Variants in RAVER2 observed in about 807,000 individuals in gnomAD.
RAVER2 encodes ribonucleoprotein, PTB binding 2.
In RAVER2, 46 loss-of-function variants were observed where a neutral mutation model predicts 78.1. The observed-to-expected ratio is 0.59, with a 90% CI of 0.46 to 0.75. RAVER2 has a LOEUF of 0.75. RAVER2 is among the 30% of genes least tolerant of loss of function. The pLI is 0.00. For missense variants in RAVER2, 793 were observed against 837.5 expected, an observed-to-expected ratio of 0.95 and a Z score of 0.66; for synonymous variants, 311 against 313.3, an observed-to-expected ratio of 0.99 and a Z score of 0.08.
chr1:64,825,333 C>A (rs562390415), intron 11 of RAVER2, among the ~76,000 whole-genome samples: 1 of 152,256 alleles, frequency 6.6e-6, no homozygotes, highest in African/African-American at 2.4e-5. Flanking sequence ...AGAACTAGTG[C>A]AGTCCCATTT....
chr1:64,819,150 C>A (rs1570582669), intron 11 of RAVER2, among the ~76,000 whole-genome samples: 1 of 150,074 alleles, frequency 6.7e-6, no homozygotes, highest in East Asian at 2.1e-4. Flanking sequence ...ATGTGACCCA[C>A]AATTAAGAGA....
At chr1:64,751,783 A>T (rs1229137209) in intron 1 of RAVER2, among the ~76,000 whole-genome samples, 1 of 151,890 alleles carries the variant, frequency 6.6e-6, no homozygotes, top group Non-Finnish European at 1.5e-5. Flanking sequence ...TTTTAATTTA[A>T]TTTTTTTAAA....
chr1:64,750,248 T>C (rs1651660674), intron 1 of RAVER2, among the ~76,000 whole-genome samples: 1 of 152,032 alleles, frequency 6.6e-6, no homozygotes, highest in Non-Finnish European at 1.5e-5. Flanking sequence ...TAAGAAACTC[T>C]AGTTAATCTT....
chr1:64,781,471 A>T (rs1409531741), exon 4 of RAVER2: 1 of 1,613,990 alleles, frequency 6.2e-7, no homozygotes, highest in East Asian at 2.2e-5. Context: ...CAGGCAGCAG[A>T]CGGTATGACC....
intron 11 of RAVER2, among the ~76,000 whole-genome samples, chr1:64,823,802 ATTT>A (rs759134955): frequency 3.0e-4 from 37 of 122,842 alleles, no homozygotes; most frequent in East Asian, 2.1e-3. Context: ...GTAAGTTGTG[ATTT>A]TTTTTTTTTT....
intron 4 of RAVER2, among the ~76,000 whole-genome samples, chr1:64,782,272 T>C (rs1027273649): frequency 1.3e-5 from 2 of 152,272 alleles, no homozygotes; most frequent in African/African-American, 4.8e-5. Flanking sequence ...TGGCACATTG[T>C]ACTTCCTTCT....
chr1:64,828,910 G>A (rs1284208822), intron 11 of RAVER2, among the ~76,000 whole-genome samples: 2 of 152,156 alleles, frequency 1.3e-5, no homozygotes, highest in African/African-American at 4.8e-5. Context: ...TCACATTGGT[G>A]TAATCATACC....
At chr1:64,766,542 G>A (rs997367957) in intron 1 of RAVER2, among the ~76,000 whole-genome samples, 1 of 152,170 alleles carries the variant, frequency 6.6e-6, no homozygotes, top group African/African-American at 2.4e-5. Flanking sequence ...ACATAGAAGA[G>A]CTATGAGTAG....
At chr1:64,809,738 A>G (rs775397604) in intron 9 of RAVER2, among the ~76,000 whole-genome samples, 19 of 152,228 alleles carry the variant, frequency 1.2e-4, no homozygotes, top group Non-Finnish European at 2.2e-4. Flanking sequence ...TGAAACCTGT[A>G]CCTGTTAAAT....
chr1:64,765,361 TAATC>T (rs975661337), intron 1 of RAVER2, among the ~76,000 whole-genome samples: 3 of 152,154 alleles, frequency 2.0e-5, no homozygotes, highest in African/African-American at 4.8e-5. Context: ...ACAAACCAAA[TAATC>T]AGTCATAGTA....
rs983428846 is a variant in RAVER2 at position 64,745,245 on chromosome 1, G to C, written c.73G>C (p.Gly25Arg). The change falls in exon 1 of 12, where the codon GGG becomes CGG. Residue 25 changes from glycine to arginine, a missense_variant. Transcript: ENST00000294428. The surrounding 1 kb of genome is among the most constrained non-coding windows in gnomAD (Gnocchi z 4.3). ...GGGCAGCGCGGCGGGGCTGGGGCCG[G>C]GGCCGGGGCTGCGCGGGCAGGGCCC... 9 of 1,179,232 alleles carry C rather than the reference G, an allele frequency of 7.6e-6. No individual in the cohort carries two copies. In the African/African-American group the frequency reaches 1.5e-4, roughly 19 times the overall value. 73.0% of individuals were successfully genotyped at this position (1,179,232 alleles called of 1,614,324 possible).
At chr1:64,777,796 G>T (rs756269233) in exon 3 of RAVER2, 1 of 1,614,086 alleles carries the variant, frequency 6.2e-7, no homozygotes, top group Non-Finnish European at 8.5e-7. Flanking sequence ...ACTTGTTCGT[G>T]CTTATGGAAA....
chr1:64,829,871 G>A (rs747988301), intron 11 of RAVER2, among the ~76,000 whole-genome samples: 4 of 152,126 alleles, frequency 2.6e-5, no homozygotes, highest in Non-Finnish European at 5.9e-5. Flanking sequence ...ACCAGAGGAC[G>A]CAGCGTTCTT....
intron 1 of RAVER2, among the ~76,000 whole-genome samples, chr1:64,768,420 A>G (rs1370525324): frequency 6.6e-6 from 1 of 152,026 alleles, no homozygotes; most frequent in African/African-American, 2.4e-5. Context: ...AGTGCATGGT[A>G]TACTTGTGAG....
chr1:64,807,251 G>T, exon 9 of RAVER2: 1 of 1,614,096 alleles, frequency 6.2e-7, no homozygotes, highest in Non-Finnish European at 8.5e-7. Context: ...GCTGGAATGG[G>T]CATGTTACCA....
chr1:64,831,100 C>G, exon 12 of RAVER2: 6 of 1,124,352 alleles, frequency 5.3e-6, no homozygotes, highest in Non-Finnish European at 7.4e-6. Flanking sequence ...TATAGTTTCC[C>G]AGAAGGAACT....
chr1:64,766,079 C>T (rs1054512163), intron 1 of RAVER2, among the ~76,000 whole-genome samples: 5 of 152,172 alleles, frequency 3.3e-5, no homozygotes, highest in African/African-American at 7.2e-5. Flanking sequence ...CTCCAGAAAG[C>T]ATTTCATATG....
intron 5 of RAVER2, among the ~76,000 whole-genome samples, chr1:64,800,936 A>G (rs1327740811): frequency 6.6e-6 from 1 of 152,088 alleles, no homozygotes; most frequent in Non-Finnish European, 1.5e-5. Flanking sequence ...GATGGATACT[A>G]AAAAATTTGG....
At chr1:64,767,776 A>G (rs1652213067) in intron 1 of RAVER2, among the ~76,000 whole-genome samples, 1 of 152,060 alleles carries the variant, frequency 6.6e-6, no homozygotes, top group Non-Finnish European at 1.5e-5. Context: ...TGCCTACGAT[A>G]TGCAAAGCAA....
Sources: gnomAD v4.1 joint callset for allele counts (sites outside exome capture counted in the v4.1 genomes callset) on GRCh38, gnomAD v4.1.1 for gene constraint, Gnocchi (gnomAD v3.1) non-coding constraint, MANE v1.5 for transcripts, NCBI Gene and HGNC (gene_info 2026-07-23, HGNC 2026-07-21) for gene names.